Variants in PCDH15 observed in about 807,000 individuals in gnomAD.
The protein encoded by PCDH15 is protocadherin related 15.
PCDH15 carries 129 observed loss-of-function variants against 178.5 expected under a neutral mutation model. The observed-to-expected ratio is 0.72, with a 90% CI of 0.63 to 0.84. PCDH15 has a LOEUF of 0.84. Ranked by LOEUF, PCDH15 falls within the 40% of genes least tolerant of loss-of-function variation. PCDH15 has a pLI of 0.00. For missense variants in PCDH15, 2,230 were observed against 2,099.9 expected (o/e 1.06, Z -1.21); for synonymous variants, 800 against 732.0 (o/e 1.09, Z -1.50).
chr10:54,183,641 A>T, intron 12 of PCDH15, 48 bp from the exon 13 acceptor site: 1 of 1,598,658 alleles, frequency 6.3e-7, no homozygotes, highest in East Asian at 2.2e-5. Context: ...TGCAAATATA[A>T]GTAGTACAGA....
chr10:54,014,851 C>T (rs777061253), intron 20 of PCDH15, among the ~76,000 whole-genome samples: 82 of 152,172 alleles, frequency 5.4e-4, no homozygotes, highest in Admixed American at 2.4e-3. Context: ...AAAAGAGAAA[C>T]GAGATAAGGA....
intron 1 of PCDH15, among the ~76,000 whole-genome samples, chr10:55,290,618 T>C (rs1021899158): frequency 5.9e-5 from 9 of 152,148 alleles, no homozygotes; most frequent in African/African-American, 9.6e-5. Flanking sequence ...CACTGTATCA[T>C]TGCATTTCAT....
At chr10:55,222,024 A>G (rs1480537041) in intron 1 of PCDH15, among the ~76,000 whole-genome samples, 3 of 143,860 alleles carry the variant, frequency 2.1e-5, no homozygotes, top group African/African-American at 5.2e-5. Context: ...CCGCCACCAC[A>G]CCCGGCTAAT....
chr10:54,455,452 G>A (rs2076753852), intron 3 of PCDH15, among the ~76,000 whole-genome samples: 1 of 152,118 alleles, frequency 6.6e-6, no homozygotes, highest in Non-Finnish European at 1.5e-5. Context: ...TCAATGTTGA[G>A]GTCTTGATGG....
chr10:54,590,576 A>G (rs976483076), intron 2 of PCDH15, among the ~76,000 whole-genome samples: 6 of 152,208 alleles, frequency 3.9e-5, no homozygotes, highest in Admixed American at 2.6e-4. Context: ...CAAGAACATT[A>G]GTGAGATGTG....
intron 21 of PCDH15, among the ~76,000 whole-genome samples, chr10:53,970,531 T>C (rs1040701047): frequency 1.3e-5 from 2 of 151,764 alleles, no homozygotes; most frequent in Non-Finnish European, 2.9e-5. Context: ...ACTAAATTGA[T>C]AGACTGCTAG....
chr10:55,524,454 T>G (rs557963334), intron 2 of PCDH15, among the ~76,000 whole-genome samples: 26 of 151,806 alleles, frequency 1.7e-4, no homozygotes, highest in South Asian at 8.3e-4. Context: ...ATGTAAAATA[T>G]CTCATTAATG....
At chr10:54,211,227 C>T (rs552832904) in intron 10 of PCDH15, among the ~76,000 whole-genome samples, 30 of 143,316 alleles carry the variant, frequency 2.1e-4, no homozygotes, top group African/African-American at 7.7e-4. Flanking sequence ...ATAACTTATC[C>T]AAACTGGGAC....
chr10:55,564,167 G>A (rs984629878), intron 2 of PCDH15, among the ~76,000 whole-genome samples: 2 of 151,518 alleles, frequency 1.3e-5, no homozygotes, highest in African/African-American at 4.8e-5. Flanking sequence ...ATACATAATA[G>A]AGAATACTAA....
intron 2 of PCDH15, among the ~76,000 whole-genome samples, chr10:54,644,981 T>G (rs1167096573): frequency 6.6e-6 from 1 of 152,190 alleles, no homozygotes; most frequent in African/African-American, 2.4e-5. Flanking sequence ...ACAATGAACT[T>G]ACCAGTGCCT....
chr10:54,392,798 C>T, intron 3 of PCDH15, among the ~76,000 whole-genome samples: 1 of 150,274 alleles, frequency 6.7e-6, no homozygotes. Context: ...ACTCGAGAGT[C>T]TGAGGCAGAA....
chr10:53,894,377 C>T (rs1289039547), intron 26 of PCDH15, among the ~76,000 whole-genome samples: 4 of 152,084 alleles, frequency 2.6e-5, no homozygotes, highest in East Asian at 1.9e-4. Context: ...CGAGATCGGG[C>T]GCATTCAGGG....
intron 2 of PCDH15, among the ~76,000 whole-genome samples, chr10:55,332,679 T>C (rs1010666533): frequency 1.3e-5 from 2 of 152,174 alleles, no homozygotes; most frequent in African/African-American, 2.4e-5. Context: ...AATTGAATCA[T>C]GGGAGTGGTT....
At chr10:54,760,740 G>A (rs1405253058) in intron 1 of PCDH15, among the ~76,000 whole-genome samples, 1 of 152,072 alleles carries the variant, frequency 6.6e-6, no homozygotes, top group African/African-American at 2.4e-5. Context: ...CAGAAAAAAT[G>A]CAAAGTTAGG....
intron 9 of PCDH15, among the ~76,000 whole-genome samples, chr10:54,232,208 G>C (rs1339459643): frequency 1.3e-5 from 2 of 152,132 alleles, no homozygotes; most frequent in African/African-American, 4.8e-5. Context: ...TGGTGACAGT[G>C]GTGTCAGTGA....
chr10:54,969,716 A>T (rs1030314162), intron 2 of PCDH15, among the ~76,000 whole-genome samples: 1 of 152,204 alleles, frequency 6.6e-6, no homozygotes, highest in African/African-American at 2.4e-5. Flanking sequence ...AAAGTAGCTC[A>T]AAAGTATCTT....
chr10:55,582,278 C>T (rs939440465), intron 2 of PCDH15, among the ~76,000 whole-genome samples: 5 of 152,110 alleles, frequency 3.3e-5, no homozygotes, highest in Admixed American at 6.6e-5. Context: ...GTGGCCCTTG[C>T]TTGTCTTTCT....
intron 2 of PCDH15, among the ~76,000 whole-genome samples, chr10:55,357,609 A>G (rs569923056): frequency 6.6e-6 from 1 of 152,156 alleles, no homozygotes; most frequent in South Asian, 2.1e-4. Flanking sequence ...TATCTATAAA[A>G]TGCTCTTTGT....
chr10:55,383,342 G>A (rs1365370545), intron 2 of PCDH15, among the ~76,000 whole-genome samples: 1 of 152,016 alleles, frequency 6.6e-6, no homozygotes, highest in African/African-American at 2.4e-5. Context: ...CTGCTCCTCT[G>A]TCAATGGAGT....
Sources: allele counts gnomAD v4.1 joint callset (sites outside exome capture counted in the v4.1 genomes callset), GRCh38; gene constraint gnomAD v4.1.1; transcripts MANE v1.5; gene names NCBI Gene and HGNC (gene_info 2026-07-23, HGNC 2026-07-21).